PEPD: variants seen among roughly 807,000 people sequenced by gnomAD.
The protein encoded by PEPD is peptidase D, also known as xaa-Pro dipeptidase.
Under a neutral mutation model 60.7 loss-of-function variants are expected in PEPD, and 53 were observed. The ratio of observed to expected loss-of-function variants is 0.87; its 90% CI spans 0.70 to 1.10. PEPD has a LOEUF of 1.10. Among genes scored for constraint, PEPD ranks in the 50% least tolerant of loss-of-function variants. The pLI, the probability that PEPD is intolerant of heterozygous loss-of-function variation, is 0.00. For synonymous variants in PEPD, 267 were observed against 284.1 expected, an observed-to-expected ratio of 0.94 and a Z score of 0.60; for missense variants, 711 against 711.9, an observed-to-expected ratio of 1.00 and a Z score of 0.01.
chr19:33,430,910 G>C (rs930602999), intron 9 of PEPD, among the ~76,000 whole-genome samples: 3 of 152,106 alleles, frequency 2.0e-5, no homozygotes, highest in Admixed American at 1.3e-4. Flanking sequence ...CCTTCAGCCT[G>C]GCTGAAGGAA....
intron 9 of PEPD, among the ~76,000 whole-genome samples, chr19:33,455,264 A>G (rs114195504): frequency 0.012 from 1,853 of 152,324 alleles, 42 homozygotes; most frequent in African/African-American, 0.042. Context: ...TGCCAGGTAC[A>G]TGGAACTCTC....
At chr19:33,473,601 G>A (rs1209896779) in intron 7 of PEPD, among the ~76,000 whole-genome samples, 4 of 152,186 alleles carry the variant, frequency 2.6e-5, no homozygotes, top group Non-Finnish European at 5.9e-5. Context: ...CTCCCCTGAC[G>A]CTTCCAGAGG....
intron 13 of PEPD, 141 bp downstream of exon 13, chr19:33,391,154 C>T (rs914339072): frequency 2.4e-5 from 18 of 743,226 alleles, no homozygotes; most frequent in East Asian, 1.1e-4. Flanking sequence ...TCATGGCCTC[C>T]GTATACCACA....
At chr19:33,468,972 G>A (rs77532047) in intron 7 of PEPD, among the ~76,000 whole-genome samples, 293 of 152,222 alleles carry the variant, frequency 1.9e-3, no homozygotes, top group African/African-American at 6.7e-3. Context: ...TCAGGCTCCC[G>A]AGGTCCGAAC....
intron 6 of PEPD, among the ~76,000 whole-genome samples, chr19:33,482,049 C>A (rs1483401472): frequency 2.0e-5 from 3 of 151,958 alleles, no homozygotes; most frequent in Non-Finnish European, 2.9e-5. Flanking sequence ...ACAACAACAA[C>A]AAAAACAGAA....
Position 33,447,001 on chromosome 19 carries a change from G to A in PEPD, c.671+15994C>T, listed in dbSNP as rs552778829. 2.0e-3 allele frequency among the ~76,000 whole-genome samples: 298 copies of A among 152,362 alleles called. 1 individual carries two copies. Among genetic ancestry groups the A allele is most frequent in the African/African-American group, 6.4e-3 (265 of 41,596 alleles). On this transcript the variant is annotated intron_variant, in intron 9 of 14. Transcript: ENST00000244137. Reference sequence around the variant, plus strand: ...CATTGGCTGTGTGGGGGACTAGACCGCCAGGGCCCTCCAGCAATGAACTGC... The same window carrying A: ...CATTGGCTGTGTGGGGGACTAGACCACCAGGGCCCTCCAGCAATGAACTGC...
chr19:33,452,357 A>T (rs1255940918), intron 9 of PEPD, among the ~76,000 whole-genome samples: 1 of 152,234 alleles, frequency 6.6e-6, no homozygotes, highest in Admixed American at 6.5e-5. Context: ...AAAGAGGAAA[A>T]AATAAAAAAT....
chr19:33,410,389 T>C (rs1238124746), intron 11 of PEPD, among the ~76,000 whole-genome samples: 1 of 152,190 alleles, frequency 6.6e-6, no homozygotes, highest in Non-Finnish European at 1.5e-5. Context: ...TTCCTGCAAA[T>C]ACTCGGCCCT....
At chr19:33,463,075 T>C in intron 8 of PEPD, 34 bp from the exon 9 acceptor site, 1 of 1,325,634 alleles carries the variant, frequency 7.5e-7, no homozygotes, top group Non-Finnish European at 1.1e-6. Flanking sequence ...GACATTTGTA[T>C]TAAGCAGATC....
intron 12 of PEPD, among the ~76,000 whole-genome samples, chr19:33,394,419 G>T (rs187344544): frequency 6.6e-6 from 1 of 152,236 alleles, no homozygotes; most frequent in African/African-American, 2.4e-5. Context: ...CCTTGGCGCC[G>T]CTGGTCTTCC....
chr19:33,500,537 G>A (rs758941047), intron 4 of PEPD, among the ~76,000 whole-genome samples: 4 of 152,156 alleles, frequency 2.6e-5, no homozygotes, highest in African/African-American at 9.7e-5. Context: ...TCACAGCCTC[G>A]GGCTTTTCTG....
intron 7 of PEPD, among the ~76,000 whole-genome samples, chr19:33,469,001 G>A (rs2145282437): frequency 6.6e-6 from 1 of 152,258 alleles, no homozygotes; most frequent in East Asian, 1.9e-4. Context: ...GGTCCCTCAG[G>A]TGTCATTCCC....
Position 33,521,770 on chromosome 19 carries a change from G to T in PEPD, c.-10C>A. On this transcript the variant is annotated 5_prime_UTR_variant, in exon 1 of 15. Transcript: ENST00000244137. ...CGGTGGCCGCCGCCATGTTCGCCCG[G>T]CACCGGCGTCACGTGAAGTGCGGCG... 1 of 1,574,088 alleles carries T rather than the reference G, an allele frequency of 6.4e-7. No individual in the cohort carries two copies. The highest frequency in any genetic ancestry group is 1.8e-5 in the Admixed American group (1 of 56,856).
intron 9 of PEPD, among the ~76,000 whole-genome samples, chr19:33,442,038 T>C (rs1331509620): frequency 1.3e-5 from 2 of 152,162 alleles, no homozygotes; most frequent in African/African-American, 4.8e-5. Flanking sequence ...CCTCCCCCAC[T>C]AGCTTGTGGT....
chr19:33,515,924 C>T (rs1270152270), intron 1 of PEPD, among the ~76,000 whole-genome samples: 1 of 152,044 alleles, frequency 6.6e-6, no homozygotes, highest in Non-Finnish European at 1.5e-5. Flanking sequence ...TCTCAGGGCA[C>T]CCAGACTGGG....
chr19:33,387,494 GACAGAC>G lies in PEPD; in HGVS notation c.1345-19_1345-14del, dbSNP rs1464468455. The G allele has an allele frequency of 6.2e-7, 1 of 1,612,948 alleles. No homozygotes were observed. The highest frequency in any genetic ancestry group is 8.5e-7 in the Non-Finnish European group (1 of 1,180,026). On this transcript the variant is annotated splice_polypyrimidine_tract_variant and intron_variant, in intron 14 of 14. Transcript: ENST00000244137. ...CCTCGATGCGGACCTGGGTCAAGCCGACAGACACACATTATCATAGAGCAGCCTCAT... is the reference window on the plus strand; with the variant it reads ...CCTCGATGCGGACCTGGGTCAAGCCGACACATTATCATAGAGCAGCCTCAT...
intron 9 of PEPD, among the ~76,000 whole-genome samples, chr19:33,436,184 G>A (rs569429493): frequency 4.0e-5 from 6 of 151,828 alleles, no homozygotes; most frequent in African/African-American, 1.4e-4. Context: ...AGAAAGAGGA[G>A]GAAGAGGAGA....
chr19:33,434,645 G>C (rs760252072), intron 9 of PEPD, among the ~76,000 whole-genome samples: 1 of 152,026 alleles, frequency 6.6e-6, no homozygotes, highest in Non-Finnish European at 1.5e-5. Flanking sequence ...CACAGAAATG[G>C]AAAGTTTATC....
At chr19:33,487,833 G>T (rs554039567) in intron 6 of PEPD, among the ~76,000 whole-genome samples, 1 of 152,282 alleles carries the variant, frequency 6.6e-6, no homozygotes, top group East Asian at 1.9e-4. Context: ...CAGGGACTGG[G>T]GGGCAACAGG....
Sources: gnomAD v4.1 joint callset for allele counts (sites outside exome capture counted in the v4.1 genomes callset) on GRCh38, gnomAD v4.1.1 for gene constraint, MANE v1.5 for transcripts, NCBI Gene and HGNC (gene_info 2026-07-23, HGNC 2026-07-21) for gene names.